Variants in SAMD5 observed in about 807,000 individuals in gnomAD.
SAMD5 encodes sterile alpha motif domain-containing protein 5.
In SAMD5, 13 loss-of-function variants were observed where a neutral mutation model predicts 11.3. That is an observed-to-expected ratio of 1.15 (90% CI 0.75 to 1.83). The LOEUF (loss-of-function observed/expected upper bound fraction) is 1.83, where lower values mean the gene tolerates loss of function less well. Ranked by LOEUF, SAMD5 falls within the 40% of genes most tolerant of loss-of-function variation. SAMD5 has a pLI of 0.00. For missense variants in SAMD5, 255 were observed against 239.1 expected (o/e 1.07, Z -0.44); for synonymous variants, 129 against 111.3 (o/e 1.16, Z -1.00).
At chr6:147,668,910 A>C (rs982959814) in intron 1 of SAMD5, among the ~76,000 whole-genome samples, 2 of 152,174 alleles carry the variant, frequency 1.3e-5, no homozygotes, top group Admixed American at 1.3e-4. Flanking sequence ...TCTAAAAAAC[A>C]ATGTACATAA....
At chr6:147,765,766 T>C in the SAMD5 span, among the ~76,000 whole-genome samples, 10 of 152,118 alleles carry the variant, frequency 6.6e-5, no homozygotes, top group Non-Finnish European at 1.2e-4. Context: ...TCAGATCTTC[T>C]CCCCAACTCA....
the SAMD5 span, among the ~76,000 whole-genome samples, chr6:147,766,149 G>A: frequency 6.7e-6 from 1 of 150,180 alleles, no homozygotes; most frequent in Admixed American, 6.6e-5. Context: ...AATAATGGAT[G>A]AAACCTTCTA....
intron 1 of SAMD5, among the ~76,000 whole-genome samples, chr6:147,723,297 G>T (rs1791581043): frequency 1.3e-5 from 2 of 152,048 alleles, no homozygotes; most frequent in African/African-American, 2.4e-5. Context: ...TGTCTTTTTG[G>T]TATCAGTGCA....
At chr6:147,924,778 A>ATAAG in the SAMD5 span, among the ~76,000 whole-genome samples, 2 of 51,634 alleles carry the variant, frequency 3.9e-5, no homozygotes, top group Non-Finnish European at 7.7e-5. Flanking sequence ...TAATTTTGTT[A>ATAAG]TAAATAAATA....
At chr6:147,668,106 A>G (rs913247227) in intron 1 of SAMD5, among the ~76,000 whole-genome samples, 16 of 152,200 alleles carry the variant, frequency 1.1e-4, no homozygotes, top group Admixed American at 5.2e-4. Flanking sequence ...TATATAAAAT[A>G]AAATGTGAAT....
chr6:147,517,037 G>C (rs1011382914), intron 1 of SAMD5, among the ~76,000 whole-genome samples: 3 of 152,206 alleles, frequency 2.0e-5, no homozygotes, highest in African/African-American at 7.2e-5. Context: ...GACCCCTGCA[G>C]TTTTCACTGA....
At chr6:147,760,256 C>T in the SAMD5 span, among the ~76,000 whole-genome samples, 7 of 152,016 alleles carry the variant, frequency 4.6e-5, no homozygotes, top group Non-Finnish European at 1.0e-4. Flanking sequence ...CACCATCTGC[C>T]GAGCCGCAAT....
chr6:147,728,884 T>C (rs1218495466), intron 1 of SAMD5, among the ~76,000 whole-genome samples: 1 of 152,252 alleles, frequency 6.6e-6, no homozygotes, highest in Non-Finnish European at 1.5e-5. Flanking sequence ...CTTCTGTATC[T>C]ATTTAATTTT....
At chr6:147,657,118 T>C (rs865922785) in intron 1 of SAMD5, among the ~76,000 whole-genome samples, 3 of 152,224 alleles carry the variant, frequency 2.0e-5, no homozygotes, top group Middle Eastern at 6.8e-3. Context: ...CCAGGATATA[T>C]ACTGAAGTGA....
intron 1 of SAMD5, among the ~76,000 whole-genome samples, chr6:147,580,361 C>T (rs1789279087): frequency 6.6e-6 from 1 of 152,248 alleles, no homozygotes; most frequent in African/African-American, 2.4e-5. Context: ...CAGACCTCCT[C>T]TTACGTTATA....
At chr6:147,942,698 T>C in the SAMD5 span, among the ~76,000 whole-genome samples, 1 of 152,290 alleles carries the variant, frequency 6.6e-6, no homozygotes, top group East Asian at 1.9e-4. Flanking sequence ...GCCAAGAGAA[T>C]CCGCAATTAG....
chr6:147,805,901 C>G, the SAMD5 span, among the ~76,000 whole-genome samples: 1 of 152,118 alleles, frequency 6.6e-6, no homozygotes. Flanking sequence ...ACTTAAAGTT[C>G]TGAAATTTGC....
chr6:147,669,056 T>C (rs1020247639), intron 1 of SAMD5, among the ~76,000 whole-genome samples: 3 of 152,152 alleles, frequency 2.0e-5, no homozygotes, highest in Non-Finnish European at 4.4e-5. Context: ...TTGCAGAACG[T>C]TGGGCTGGCT....
Position 147,603,221 on chromosome 6 carries a change from C to T in SAMD5, c.162+93834C>T, listed in dbSNP as rs1015300279. Among the ~76,000 whole-genome samples the T allele has an allele frequency of 6.6e-5, 10 of 151,988 alleles. No homozygotes were observed. In the East Asian group the frequency reaches 7.7e-4, roughly 12 times the overall value. ...TTACAACAGAAATTAAATTGAGTTT[C>T]GGGGACATATTAATAAAACAGTCTA... On this transcript the variant is annotated intron_variant, in intron 1 of 1. Coordinates refer to the SAMD5 transcript ENST00000566741.
the SAMD5 span, among the ~76,000 whole-genome samples, chr6:147,772,316 A>G: frequency 6.6e-6 from 1 of 152,166 alleles, no homozygotes; most frequent in Non-Finnish European, 1.5e-5. Flanking sequence ...TGGGATGCTC[A>G]GAACTTCAAG....
At chr6:147,532,950 T>C (rs369935813) in intron 1 of SAMD5, among the ~76,000 whole-genome samples, 2 of 152,174 alleles carry the variant, frequency 1.3e-5, no homozygotes, top group African/African-American at 4.8e-5. Flanking sequence ...CTAGTTCAGA[T>C]TTTGGCTAGT....
the SAMD5 span, among the ~76,000 whole-genome samples, chr6:147,760,178 T>G: frequency 6.6e-6 from 1 of 152,156 alleles, no homozygotes; most frequent in South Asian, 2.1e-4. Flanking sequence ...TAGCTTATCT[T>G]TGCTTCATAA....
At chr6:147,856,230 CTA>C in the SAMD5 span, among the ~76,000 whole-genome samples, 1 of 152,202 alleles carries the variant, frequency 6.6e-6, no homozygotes, top group East Asian at 1.9e-4. Context: ...AAAATGCAAA[CTA>C]GACTTTAGTG....
intron 1 of SAMD5, among the ~76,000 whole-genome samples, chr6:147,583,818 AACACAC>A (rs3032052): frequency 6.7e-6 from 1 of 149,392 alleles, no homozygotes; most frequent in East Asian, 2.0e-4. Flanking sequence ...GGAATTTTCA[AACACAC>A]ACACACACAC....
Sources: gnomAD v4.1 joint callset for allele counts (sites outside exome capture counted in the v4.1 genomes callset) on GRCh38, gnomAD v4.1.1 for gene constraint, MANE v1.5 for transcripts, NCBI Gene and HGNC (gene_info 2026-07-23, HGNC 2026-07-21) for gene names.